The following ZBTB8A variants were observed in gnomAD, a reference collection of about 807,000 sequenced individuals.
ZBTB8A encodes zinc finger and BTB domain containing 8A.
ZBTB8A carries 19 observed loss-of-function variants against 37.8 expected under a neutral mutation model. The observed-to-expected ratio is 0.50, with a 90% confidence interval of 0.35 to 0.74. The LOEUF is 0.74. ZBTB8A is among the 30% of genes least tolerant of loss of function. ZBTB8A has a pLI of 0.01. For synonymous variants in ZBTB8A, 181 were observed against 185.2 expected, an observed-to-expected ratio of 0.98 and a Z score of 0.19; for missense variants, 394 against 537.8, an observed-to-expected ratio of 0.73 and a Z score of 2.65.
At chr1:32,585,446 C>G (rs1198722518) in intron 2 of ZBTB8A, among the ~76,000 whole-genome samples, 1 of 151,868 alleles carries the variant, frequency 6.6e-6, no homozygotes, top group Non-Finnish European at 1.5e-5. Context: ...AAAAAAAATG[C>G]CCATTCACTA....
rs1171143163 is a variant in ZBTB8A at position 32,602,528 on chromosome 1, A to G, written c.*2109A>G. 1 of 152,006 alleles carries G rather than the reference A, an allele frequency of 6.6e-6. No homozygotes were observed. Among genetic ancestry groups the G allele is most frequent in the Non-Finnish European group, 1.5e-5 (1 of 68,062 alleles). The allele number at this position is 152,006 out of a possible 1,614,324, so 9.4% of individuals were successfully genotyped here. On this transcript the variant is annotated 3_prime_UTR_variant, in exon 5 of 5. Coordinates refer to ENST00000373510, the MANE Select transcript of ZBTB8A (RefSeq NM_001040441.3). ...ATTTCACTGTATATGGAGAGGCTCC[A>G]TCTATTTTACTGTTTTCTTTTTTGT...
intron 2 of ZBTB8A, among the ~76,000 whole-genome samples, chr1:32,572,693 G>A (rs749192825): frequency 7.2e-5 from 11 of 151,930 alleles, no homozygotes; most frequent in South Asian, 2.1e-4. Context: ...CACTATGCCC[G>A]GCCTCTTATA....
At position 32,605,674 on chromosome 1, in the gene ZBTB8A, C is replaced by T. The variant is rs1644612080; in HGVS notation, c.*5255C>T. On this transcript the variant is annotated 3_prime_UTR_variant, in exon 5 of 5. Transcript: ENST00000373510. The stretch of plus-strand genomic sequence containing the variant: ...GAGCCAAGATCACGCTACTGCACTC[C>T]AGGCTGGGTGACAGAGCGAGACTCC... The T allele has an allele frequency of 1.6e-5, 2 of 128,100 alleles. No homozygotes were observed. The highest frequency in any genetic ancestry group is 3.1e-5 in the Non-Finnish European group (2 of 65,018). 7.9% of individuals were successfully genotyped at this position (128,100 alleles called of 1,614,324 possible). A position where few individuals can be genotyped will look rare whatever the true frequency, so the allele number is the denominator to read the frequency against.
rs979394729 is a variant in ZBTB8A at position 32,600,493 on chromosome 1, C to T, written c.*74C>T. On this transcript the variant is annotated 3_prime_UTR_variant, in exon 5 of 5. Coordinates refer to ENST00000373510, the MANE Select transcript of ZBTB8A (RefSeq NM_001040441.3). ...TCCTGTATCTCTCTCTTTCTATGGT[C>T]GGAGTCTAGTTAACAAATTTATCAC... is the stretch of plus-strand genomic sequence containing the variant. 42 of 1,169,406 alleles carry T rather than the reference C, an allele frequency of 3.6e-5. No individual in the cohort carries two copies. The highest frequency in any genetic ancestry group is 1.1e-4 in the African/African-American group (7 of 65,068). 72.4% of individuals were successfully genotyped at this position (1,169,406 alleles called of 1,614,324 possible). A position where few individuals can be genotyped will look rare whatever the true frequency, so the allele number is the denominator to read the frequency against.
intron 2 of ZBTB8A, among the ~76,000 whole-genome samples, chr1:32,555,367 C>T (rs1230276824): frequency 1.3e-5 from 2 of 151,930 alleles, no homozygotes; most frequent in Non-Finnish European, 2.9e-5. Context: ...CCAGCCTGGG[C>T]GACAGAGCGA....
At chr1:32,571,908 T>G (rs1223163031) in intron 2 of ZBTB8A, among the ~76,000 whole-genome samples, 1 of 151,862 alleles carries the variant, frequency 6.6e-6, no homozygotes, top group Non-Finnish European at 1.5e-5. Context: ...GGGTTTTTTT[T>G]GTTTGTTTTT....
chr1:32,596,757 TG>T (rs1261320136), intron 4 of ZBTB8A, among the ~76,000 whole-genome samples: 1 of 152,194 alleles, frequency 6.6e-6, no homozygotes, highest in Non-Finnish European at 1.5e-5. Flanking sequence ...GACCTTGAAG[TG>T]GGGTATATTC....
At chr1:32,552,846 G>A (rs1644167896) in intron 1 of ZBTB8A, among the ~76,000 whole-genome samples, 1 of 149,272 alleles carries the variant, frequency 6.7e-6, no homozygotes, top group African/African-American at 2.4e-5. Context: ...AAGCCAATTT[G>A]AAGCCAAATG....
At chr1:32,579,417 C>G (rs1032096927) in intron 2 of ZBTB8A, among the ~76,000 whole-genome samples, 1 of 150,188 alleles carries the variant, frequency 6.7e-6, no homozygotes, top group Non-Finnish European at 1.5e-5. Flanking sequence ...CACCATTGCA[C>G]TCCAGCCTGG....
intron 1 of ZBTB8A, among the ~76,000 whole-genome samples, chr1:32,548,081 C>T (rs1327272448): frequency 1.4e-5 from 2 of 142,506 alleles, no homozygotes; most frequent in Non-Finnish European, 3.0e-5. Flanking sequence ...TGCAGTGAGC[C>T]GAGATTGCAC....
At chr1:32,596,186 G>A (rs1644529856) in intron 4 of ZBTB8A, among the ~76,000 whole-genome samples, 1 of 152,004 alleles carries the variant, frequency 6.6e-6, no homozygotes, top group African/African-American at 2.4e-5. Flanking sequence ...TGGCTAACAT[G>A]GTGAAACCCC....
intron 2 of ZBTB8A, among the ~76,000 whole-genome samples, chr1:32,577,181 A>T: frequency 6.8e-6 from 1 of 146,256 alleles, no homozygotes; most frequent in South Asian, 2.2e-4. Context: ...GCCTTTGTTC[A>T]TTTTTTGTCA....
intron 3 of ZBTB8A, among the ~76,000 whole-genome samples, chr1:32,594,549 T>A (rs1304563391): frequency 6.6e-6 from 1 of 151,242 alleles, no homozygotes; most frequent in Admixed American, 6.6e-5. Context: ...GATCATGAGG[T>A]CAGGAGTTCA....
rs534119607 is a variant in ZBTB8A, at chr1:32,575,326, A to G, written c.-1-17605A>G. On this transcript the variant is annotated intron_variant, in intron 2 of 4. Coordinates refer to ENST00000373510, the MANE Select transcript of ZBTB8A (RefSeq NM_001040441.3). Reference sequence around the variant, plus strand: ...ACTGCAACCTCTGCCTTCAGGTTTCAAGCGATTCTCCTGCTCCAGCCTCCT... The same window carrying G: ...ACTGCAACCTCTGCCTTCAGGTTTCGAGCGATTCTCCTGCTCCAGCCTCCT... 2.8e-5 allele frequency among the ~76,000 whole-genome samples: 4 copies of G among 144,560 alleles called. No homozygotes were observed. In the South Asian group the frequency reaches 8.6e-4, roughly 31 times the overall value. The allele number at this position is 144,560 out of a possible 152,430, so 94.8% of individuals were successfully genotyped here. A position where few individuals can be genotyped will look rare whatever the true frequency, so the allele number is the denominator to read the frequency against.
At chr1:32,568,468 G>T (rs1182699134) in intron 2 of ZBTB8A, among the ~76,000 whole-genome samples, 1 of 151,554 alleles carries the variant, frequency 6.6e-6, no homozygotes, top group Non-Finnish European at 1.5e-5. Flanking sequence ...CTCACTGCAA[G>T]CTCCGCCTGC....
intron 1 of ZBTB8A, among the ~76,000 whole-genome samples, chr1:32,550,638 A>C (rs571008162): frequency 2.1e-4 from 32 of 151,610 alleles, no homozygotes; most frequent in African/African-American, 7.5e-4. Flanking sequence ...AAAAAGAAAA[A>C]GGAAAAAGAG....
chr1:32,577,424 A>G (rs2148237406), intron 2 of ZBTB8A, among the ~76,000 whole-genome samples: 1 of 149,702 alleles, frequency 6.7e-6, no homozygotes, highest in East Asian at 2.0e-4. Context: ...TGCTGGGATT[A>G]CAGGCGTGAG....
intron 2 of ZBTB8A, among the ~76,000 whole-genome samples, chr1:32,561,075 A>T (rs1352507350): frequency 1.9e-5 from 1 of 53,912 alleles, no homozygotes; most frequent in Non-Finnish European, 4.0e-5. Flanking sequence ...AATGTCCCCC[A>T]CCCCCACCCC....
chr1:32,585,027 C>CTTTTTT (rs1163697499), intron 2 of ZBTB8A, among the ~76,000 whole-genome samples: 10 of 105,606 alleles, frequency 9.5e-5, no homozygotes, highest in Non-Finnish European at 1.2e-4. Flanking sequence ...TTTCAGATTT[C>CTTTTTT]TTTTTTTTTT....
Sources: allele counts gnomAD v4.1 joint callset (sites outside exome capture counted in the v4.1 genomes callset), GRCh38; gene constraint gnomAD v4.1.1; transcripts MANE v1.5; gene names NCBI Gene and HGNC (gene_info 2026-07-23, HGNC 2026-07-21).